The following CDIN1 variants were observed in gnomAD, a reference collection of about 807,000 sequenced individuals.
The protein encoded by CDIN1 is CDAN1 interacting nuclease 1.
A neutral mutation model predicts 45.3 loss-of-function variants in CDIN1; 33 were observed. The observed-to-expected ratio is 0.73, with a 90% confidence interval of 0.55 to 0.97. CDIN1 has a LOEUF of 0.97. CDIN1 is among the 50% of genes least tolerant of loss of function. The pLI is 0.00. For missense variants in CDIN1, 303 were observed against 339.4 expected (o/e 0.89, Z 0.84); for synonymous variants, 118 against 124.4 (o/e 0.95, Z 0.34).
chr15:36,716,447 C>G (rs1352224052), intron 10 of CDIN1, among the ~76,000 whole-genome samples: 4 of 152,014 alleles, frequency 2.6e-5, no homozygotes, highest in South Asian at 2.1e-4. Context: ...GTCAAGAACC[C>G]AAGAATACAG....
At chr15:36,628,117 A>G (rs566471952) in intron 1 of CDIN1, among the ~76,000 whole-genome samples, 56 of 152,074 alleles carry the variant, frequency 3.7e-4, no homozygotes, top group Non-Finnish European at 7.8e-4. Flanking sequence ...TGACAAACAC[A>G]TGGAGTTGTG....
chr15:36,698,982 C>G (rs2042536076), intron 8 of CDIN1, among the ~76,000 whole-genome samples: 1 of 152,172 alleles, frequency 6.6e-6, no homozygotes, highest in East Asian at 1.9e-4. Flanking sequence ...GTCTGGGGAT[C>G]ATCTCTACTT....
chr15:36,611,042 G>A (rs1310402914), intron 1 of CDIN1, among the ~76,000 whole-genome samples: 1 of 152,144 alleles, frequency 6.6e-6, no homozygotes, highest in African/African-American at 2.4e-5. Flanking sequence ...TTCTCTTAGC[G>A]TTATGTTACC....
chr15:36,772,661 A>C (rs1284995858), intron 10 of CDIN1, among the ~76,000 whole-genome samples: 1 of 152,246 alleles, frequency 6.6e-6, no homozygotes, highest in South Asian at 2.1e-4. Context: ...GCCCTGATAG[A>C]TACATACTGA....
intron 10 of CDIN1, among the ~76,000 whole-genome samples, chr15:36,742,427 T>C (rs1297013104): frequency 2.6e-5 from 4 of 152,188 alleles, no homozygotes; most frequent in Non-Finnish European, 5.9e-5. Flanking sequence ...TGTTCGTTAA[T>C]ACACAGGAAA....
intron 7 of CDIN1, 144 bp downstream of exon 7, chr15:36,692,319 C>G: frequency 2.9e-6 from 2 of 699,110 alleles, no homozygotes; most frequent in East Asian, 5.6e-5. Context: ...ACTGGAGGGT[C>G]ACTACAGACC....
In CDIN1 at chr15:36,808,449, C is replaced by A. The variant is rs1287863140; in HGVS notation, c.842C>A (p.Ala281Asp). 1 of 1,613,374 alleles carries A rather than the reference C, an allele frequency of 6.2e-7. No homozygotes were observed. The highest frequency in any genetic ancestry group is 8.5e-7 in the Non-Finnish European group (1 of 1,179,522). Residue 281 changes from alanine to aspartate, a missense_variant, in exon 11 of 11, where the codon GCT (alanine) becomes GAT (aspartate). Ala to Asp is a moderately radical substitution (Grantham distance 126, BLOSUM62 -2). Transcript: ENST00000566621. ...ATTGTCACCTTATGCCACAGCATAGCTTGACCCTGAAGATCCTGGAAGAGA... is the reference window on the plus strand; with the variant it reads ...ATTGTCACCTTATGCCACAGCATAGATTGACCCTGAAGATCCTGGAAGAGA... ...TNIVTLCHSI[A>D]
intron 1 of CDIN1, among the ~76,000 whole-genome samples, chr15:36,636,174 G>A (rs1186564811): frequency 6.6e-6 from 1 of 152,142 alleles, no homozygotes; most frequent in African/African-American, 2.4e-5. Flanking sequence ...CCAGATAGAG[G>A]AATGAGACAG....
chr15:36,662,856 T>TG (rs1180157114), intron 5 of CDIN1, among the ~76,000 whole-genome samples: 7 of 148,520 alleles, frequency 4.7e-5, no homozygotes, highest in African/African-American at 7.4e-5. Flanking sequence ...AGATTTTAGT[T>TG]TTTTTTTTTT....
intron 10 of CDIN1, chr15:36,799,623 G>C (rs2054943316): frequency 6.6e-6 from 1 of 152,186 alleles, no homozygotes; most frequent in African/African-American, 2.4e-5. Context: ...GTCTGTTACT[G>C]TGAACCCTTT....
At chr15:36,715,191 GTTC>G (rs1399318357) in intron 10 of CDIN1, among the ~76,000 whole-genome samples, 1 of 151,730 alleles carries the variant, frequency 6.6e-6, no homozygotes, top group East Asian at 1.9e-4. Flanking sequence ...TAAGAGCTGA[GTTC>G]TATCTGTCAG....
intron 5 of CDIN1, among the ~76,000 whole-genome samples, chr15:36,679,257 G>A (rs933556231): frequency 6.6e-6 from 1 of 152,176 alleles, no homozygotes; most frequent in African/African-American, 2.4e-5. Flanking sequence ...TGAATAGATT[G>A]ACTTCTGGCT....
chr15:36,728,341 C>T (rs1031352874), intron 10 of CDIN1, among the ~76,000 whole-genome samples: 1 of 152,046 alleles, frequency 6.6e-6, no homozygotes, highest in Non-Finnish European at 1.5e-5. Context: ...CAGTAACCAA[C>T]ATTAAAATAG....
chr15:36,711,842 T>G (rs1296621501), intron 10 of CDIN1, among the ~76,000 whole-genome samples: 1 of 152,156 alleles, frequency 6.6e-6, no homozygotes, highest in Non-Finnish European at 1.5e-5. Context: ...TGCCCAGGTT[T>G]GAAATGGAAC....
intron 10 of CDIN1, among the ~76,000 whole-genome samples, chr15:36,786,701 T>C (rs759742943): frequency 6.6e-6 from 1 of 152,192 alleles, no homozygotes; most frequent in Non-Finnish European, 1.5e-5. Flanking sequence ...TCATGATCAA[T>C]CTTGAAAGAG....
At chr15:36,639,055 A>C (rs2040007413) in intron 1 of CDIN1, among the ~76,000 whole-genome samples, 1 of 152,228 alleles carries the variant, frequency 6.6e-6, no homozygotes, top group Non-Finnish European at 1.5e-5. Flanking sequence ...TAAGGAGGAT[A>C]GCAGTACCTA....
intron 5 of CDIN1, among the ~76,000 whole-genome samples, chr15:36,671,667 C>G (rs8024344): frequency 0.11 from 16,792 of 152,112 alleles, 1,015 homozygotes; most frequent in Middle Eastern, 0.16. Flanking sequence ...CAGTTTCTTC[C>G]TTGAGCAGGC....
intron 10 of CDIN1, among the ~76,000 whole-genome samples, chr15:36,742,147 G>T (rs1399409221): frequency 2.0e-5 from 3 of 152,084 alleles, no homozygotes; most frequent in African/African-American, 7.2e-5. Context: ...ACAAAAACTA[G>T]TGTGTATATG....
intron 10 of CDIN1, among the ~76,000 whole-genome samples, chr15:36,800,000 G>T (rs1012279578): frequency 6.6e-6 from 1 of 152,058 alleles, no homozygotes; most frequent in African/African-American, 2.4e-5. Context: ...ACTTTTTCAG[G>T]TAATTTAACA....
Sources: allele counts gnomAD v4.1 joint callset (sites outside exome capture counted in the v4.1 genomes callset), GRCh38; gene constraint gnomAD v4.1.1; transcripts MANE v1.5; gene names NCBI Gene and HGNC (gene_info 2026-07-23, HGNC 2026-07-21).